Variants in SSH2 observed in about 807,000 individuals in gnomAD.
The protein encoded by SSH2 is protein phosphatase Slingshot homolog 2.
A neutral mutation model predicts 135.2 loss-of-function variants in SSH2; 37 were observed. The observed-to-expected ratio is 0.27, with a 90% CI of 0.21 to 0.36. The LOEUF (loss-of-function observed/expected upper bound fraction) is 0.36, where lower values mean the gene tolerates loss of function less well. Among genes scored for constraint, SSH2 ranks in the 10% least tolerant of loss-of-function variants. The pLI is 1.00. For synonymous variants in SSH2, 628 were observed against 646.2 expected (o/e 0.97, Z 0.43); for missense variants, 1,408 against 1,765.3 (o/e 0.80, Z 3.63).
intron 2 of SSH2, among the ~76,000 whole-genome samples, chr17:29,841,236 G>A (rs2043036213): frequency 6.6e-6 from 1 of 152,156 alleles, no homozygotes; most frequent in South Asian, 2.1e-4. Context: ...ACATCAGTTT[G>A]TGAAAATTCA....
At chr17:29,835,623 T>C (rs2042929735) in intron 2 of SSH2, among the ~76,000 whole-genome samples, 1 of 152,216 alleles carries the variant, frequency 6.6e-6, no homozygotes, top group East Asian at 1.9e-4. Flanking sequence ...CCCCAGCTCA[T>C]GCATGATAGG....
rs141731199 is a variant in SSH2, at chr17:29,781,879, G to A, written c.188+12015C>T. 4.0e-4 allele frequency among the ~76,000 whole-genome samples: 60 copies of A among 148,418 alleles called. 1 individual carries two copies. The East Asian group carries it at 9.4e-3, about 23-fold the overall frequency. On this transcript the variant is annotated intron_variant, in intron 3 of 15. Coordinates refer to ENST00000540801, the MANE Select transcript of SSH2 (RefSeq NM_001282129.2). ...TTTCTTAACAGAGCCTCGCTTTGTCGCCCAGGCTGGAGTACAGTGGCAAAA... is the reference window on the plus strand; with the variant it reads ...TTTCTTAACAGAGCCTCGCTTTGTCACCCAGGCTGGAGTACAGTGGCAAAA...
At position 29,636,551 on chromosome 17, in the gene SSH2, G is replaced by A; in HGVS notation, c.1679C>T (p.Thr560Ile). ...CTGTCCAGCATGAAATTCCCTAGAA[G>A]TAAACTCCAAGCAGATCATTCTTTC... ...TKERMICLEF[T>I]SREFHAGQIE... Residue 560 changes from threonine (T) to isoleucine (I), a missense_variant, in exon 15 of 16, where the codon ACT becomes ATT. Around this residue, in one of 3 missense-constraint regions of SSH2, gnomAD observed 1,080 missense variants for 1,144.5 expected, o/e 0.94. Coordinates refer to ENST00000540801, the MANE Select transcript of SSH2 (RefSeq NM_001282129.2). 1 of 1,614,174 alleles carries A rather than the reference G, an allele frequency of 6.2e-7. No homozygotes were observed. The highest frequency in any genetic ancestry group is 8.5e-7 in the Non-Finnish European group (1 of 1,180,020).
chr17:29,658,678 A>C (rs2036891700), intron 11 of SSH2, among the ~76,000 whole-genome samples: 1 of 151,708 alleles, frequency 6.6e-6, no homozygotes, highest in Admixed American at 6.6e-5. Context: ...GACCAGCCTG[A>C]CCACCATGGA....
intron 3 of SSH2, among the ~76,000 whole-genome samples, chr17:29,753,942 A>C (rs1233081824): frequency 6.6e-6 from 1 of 152,224 alleles, no homozygotes; most frequent in African/African-American, 2.4e-5. Flanking sequence ...ATGTATACAA[A>C]GATGTGTGTA....
At chr17:29,687,684 ATCTCGC>A (rs1351458251) in intron 5 of SSH2, among the ~76,000 whole-genome samples, 2 of 152,166 alleles carry the variant, frequency 1.3e-5, no homozygotes, top group African/African-American at 4.8e-5. Flanking sequence ...TATAAACAAG[ATCTCGC>A]ATATTATTAC....
At position 29,651,556 on chromosome 17, in the gene SSH2, C is replaced by A. The variant is rs537222080; in HGVS notation, c.1080-756G>T. On this transcript the variant is annotated intron_variant, in intron 12 of 15. Transcript: ENST00000540801. ...TTGAGCTCCATTTACCAAATATTATCTTTTCTTAATGCTGTGATTTAGACA... is the reference window on the plus strand; with the variant it reads ...TTGAGCTCCATTTACCAAATATTATATTTTCTTAATGCTGTGATTTAGACA... Among the ~76,000 whole-genome samples, 26 of 152,314 alleles carry A rather than the reference C, an allele frequency of 1.7e-4. 1 individual carries two copies. Among genetic ancestry groups the A allele is most frequent in the African/African-American group, 6.3e-4 (26 of 41,572 alleles).
At chr17:29,772,272 G>A (rs976812506) in intron 3 of SSH2, among the ~76,000 whole-genome samples, 1 of 148,714 alleles carries the variant, frequency 6.7e-6, no homozygotes, top group Admixed American at 6.7e-5. Context: ...TTGAGACGGA[G>A]TCTCGCTCTG....
At chr17:29,793,202 T>C (rs1420325397) in intron 3 of SSH2, among the ~76,000 whole-genome samples, 1 of 152,090 alleles carries the variant, frequency 6.6e-6, no homozygotes, top group Non-Finnish European at 1.5e-5. Context: ...CTTCCTAGAT[T>C]TCTCTCACAA....
chr17:29,766,766 C>A (rs1421496589), intron 3 of SSH2, among the ~76,000 whole-genome samples: 1 of 152,022 alleles, frequency 6.6e-6, no homozygotes, highest in Non-Finnish European at 1.5e-5. Context: ...GAAAAATAAA[C>A]AGTAAGTTAA....
chr17:29,763,047 C>T (rs914304804), intron 3 of SSH2, among the ~76,000 whole-genome samples: 6 of 152,126 alleles, frequency 3.9e-5, no homozygotes, highest in African/African-American at 1.4e-4. Context: ...GCTCTTTTCC[C>T]ATTGGAAAGT....
rs746792880 is a variant in SSH2 at position 29,636,605 on chromosome 17, T to C, written c.1625A>G (p.Asp542Gly). 1.4e-5 allele frequency: 22 copies of C among 1,614,054 alleles called. No individual in the cohort carries two copies. In the South Asian group the frequency reaches 2.1e-4, roughly 15 times the overall value. ...PVFVEHMVPQDANQKGLCTKE... is the reference protein window; with the variant it reads ...PVFVEHMVPQGANQKGLCTKE... ...GGTACACAGGCCTTTCTGATTTGCA[T>C]CTTGTGGGACCATATGTTCCACAAA... The change falls in exon 15 of 16, where the codon GAT (aspartate) becomes GGT (glycine). Residue 542 changes from aspartate (D) to glycine (G), a missense_variant. By Grantham distance (94) the Asp-to-Gly change is moderately conservative. Transcript: ENST00000540801.
At chr17:29,912,780 GCTAATTA>G (rs2066788686) in intron 1 of SSH2, among the ~76,000 whole-genome samples, 1 of 152,108 alleles carries the variant, frequency 6.6e-6, no homozygotes, top group African/African-American at 2.4e-5. Context: ...CATATAATCT[GCTAATTA>G]CTAATGTTTC....
chr17:29,885,348 T>TAAAAAA (rs72403205), intron 1 of SSH2, among the ~76,000 whole-genome samples: 3 of 127,112 alleles, frequency 2.4e-5, no homozygotes, highest in Non-Finnish European at 1.6e-5. Flanking sequence ...TATTGTATCA[T>TAAAAAA]AAAAAAAAAA....
chr17:29,793,909 C>T lies in SSH2; in HGVS notation c.173G>A (p.Arg58Gln), dbSNP rs200770664. The T allele has an allele frequency of 1.5e-5, 25 of 1,613,318 alleles. No homozygotes were observed. Among genetic ancestry groups the T allele is most frequent in the African/African-American group, 2.7e-5 (2 of 74,928 alleles). The part of the protein sequence containing the change: ...NEADSGEEEC[R>Q]SQPRSISESF... ...ACAAACATACCTCCTGGGCTGTGAC[C>T]GGCATTCTTCCTCCCCACTGTCTGC... The change falls in exon 3 of 16, where the codon CGG becomes CAG. Residue 58 changes from arginine to glutamine, a missense_variant. By Grantham distance (43) the Arg-to-Gln change is conservative. Coordinates refer to ENST00000540801, the MANE Select transcript of SSH2 (RefSeq NM_001282129.2).
chr17:29,893,263 C>A (rs1023070416), intron 1 of SSH2, among the ~76,000 whole-genome samples: 1 of 151,650 alleles, frequency 6.6e-6, no homozygotes, highest in Admixed American at 6.6e-5. Context: ...AGTACCTAGT[C>A]CTGGAATGTC....
rs1486847098 is a variant in SSH2, at chr17:29,626,229, T to C, written c.*4612A>G. On this transcript the variant is annotated 3_prime_UTR_variant, in exon 16 of 16. Transcript: ENST00000540801. ...GGCAAAGGTAACAGTCAGAGGAGAG[T>C]CTTCTGGACTTGTTTTCCATGTTAG... 1 of 147,804 alleles carries C rather than the reference T, an allele frequency of 6.8e-6. No homozygotes were observed. The highest frequency in any genetic ancestry group is 1.5e-5 in the Non-Finnish European group (1 of 67,060). The allele number at this position is 147,804 out of a possible 1,614,324, so 9.2% of individuals were successfully genotyped here. A position where few individuals can be genotyped will look rare whatever the true frequency, so the allele number is the denominator to read the frequency against.
chr17:29,712,587 T>G (rs1245712097), intron 3 of SSH2, among the ~76,000 whole-genome samples: 1 of 152,084 alleles, frequency 6.6e-6, no homozygotes, highest in Admixed American at 6.5e-5. Flanking sequence ...GTGGATCACT[T>G]GAGGTCAGGA....
At chr17:29,757,026 A>G (rs1019656256) in intron 3 of SSH2, among the ~76,000 whole-genome samples, 2 of 152,192 alleles carry the variant, frequency 1.3e-5, no homozygotes, top group Non-Finnish European at 2.9e-5. Flanking sequence ...CTCTTTTGAG[A>G]GGGTTCTCAG....
Sources: allele counts gnomAD v4.1 joint callset (sites outside exome capture counted in the v4.1 genomes callset), GRCh38; gene constraint gnomAD v4.1.1; regional missense constraint gnomAD v4.1.1; transcripts MANE v1.5; gene names NCBI Gene and HGNC (gene_info 2026-07-23, HGNC 2026-07-21).